GPHN: variants seen among roughly 807,000 people sequenced by gnomAD.
GPHN encodes gephyrin.
In GPHN, 17 loss-of-function variants were observed where a neutral mutation model predicts 95.5. The observed-to-expected ratio is 0.18, with a 90% CI of 0.12 to 0.27. The LOEUF is 0.27. Ranked by LOEUF, GPHN falls within the 10% of genes least tolerant of loss-of-function variation. The pLI, the probability that GPHN is intolerant of heterozygous loss-of-function variation, is 1.00. For missense variants in GPHN, 660 were observed against 978.1 expected (o/e 0.67, Z 4.34); for synonymous variants, 320 against 322.5 (o/e 0.99, Z 0.08).
intron 17 of GPHN, among the ~76,000 whole-genome samples, chr14:67,135,777 CT>C (rs574423722): frequency 6.6e-6 from 1 of 151,890 alleles, no homozygotes; most frequent in Non-Finnish European, 1.5e-5. Flanking sequence ...TAAAATTTTC[CT>C]CTTTTCCCCC....
At chr14:66,703,979 GAAAGAAAA>G (rs2068811667) in intron 2 of GPHN, among the ~76,000 whole-genome samples, 2 of 138,042 alleles carry the variant, frequency 1.4e-5, no homozygotes, top group South Asian at 2.3e-4. Flanking sequence ...AAAAAAGAAA[GAAAGAAAA>G]AAAGAAAAAA....
chr14:66,851,923 G>A (rs1246584381), intron 4 of GPHN, among the ~76,000 whole-genome samples: 1 of 152,180 alleles, frequency 6.6e-6, no homozygotes, highest in East Asian at 1.9e-4. Context: ...GAAGTAGACA[G>A]TGTAGGTGGG....
chr14:67,142,427 C>G (rs894142493), intron 17 of GPHN, among the ~76,000 whole-genome samples: 1 of 152,162 alleles, frequency 6.6e-6, no homozygotes, highest in Admixed American at 6.5e-5. Flanking sequence ...TTCAACTGTT[C>G]TGACACCCAA....
chr14:66,816,732 A>C (rs1441455421), intron 3 of GPHN, among the ~76,000 whole-genome samples: 1 of 152,170 alleles, frequency 6.6e-6, no homozygotes, highest in East Asian at 1.9e-4. Context: ...TAACATCACA[A>C]CTAAAAAGAA....
At chr14:67,242,071 C>G in the GPHN span, 1 of 152,346 alleles carries the variant, frequency 6.6e-6, no homozygotes, top group Admixed American at 6.5e-5. Flanking sequence ...TAGTTTTGTT[C>G]ATGGTTTCTG....
At chr14:66,590,168 TA>T (rs1227714817) in intron 1 of GPHN, among the ~76,000 whole-genome samples, 6 of 152,134 alleles carry the variant, frequency 3.9e-5, no homozygotes, top group African/African-American at 1.2e-4. Flanking sequence ...GGGACACAGC[TA>T]AAGCAGTGTT....
chr14:66,590,876 C>T (rs2061611642), intron 1 of GPHN, among the ~76,000 whole-genome samples: 1 of 152,068 alleles, frequency 6.6e-6, no homozygotes, highest in Admixed American at 6.6e-5. Context: ...GGCCAATATC[C>T]CTGATATGAA....
the GPHN span, chr14:67,642,319 T>C: frequency 1.2e-6 from 2 of 1,614,090 alleles, no homozygotes; most frequent in Non-Finnish European, 1.7e-6. Context: ...TTAGCAGAGC[T>C]GTGTCAGATG....
In GPHN at chr14:66,954,768, A is replaced by G. The variant is rs76705398; in HGVS notation, c.829-10423A>G. Among the ~76,000 whole-genome samples, 1,495 of 152,294 alleles carry G rather than the reference A, an allele frequency of 9.8e-3. 15 individuals are homozygous for G. The highest frequency in any genetic ancestry group is 0.03 in the African/African-American group (1,233 of 41,556). ...CTGTGGGTTTTGTCTAGATGCCTCT[A>G]TCAAATTCAGGAAGTTGCCTTATAT... On this transcript the variant is annotated intron_variant, in intron 8 of 22. Transcript: ENST00000478722.
At chr14:67,020,096 G>A (rs960989960) in intron 9 of GPHN, among the ~76,000 whole-genome samples, 1 of 152,148 alleles carries the variant, frequency 6.6e-6, no homozygotes, top group African/African-American at 2.4e-5. Flanking sequence ...TATGGTCACA[G>A]ATTAAATCTT....
At chr14:67,570,721 ACCT>A in the GPHN span, 1 of 151,390 alleles carries the variant, frequency 6.6e-6, no homozygotes. Context: ...ATCCTTCCCT[ACCT>A]CCTCCTTTTT....
At chr14:67,584,518 C>A in the GPHN span, among the ~76,000 whole-genome samples, 1 of 152,204 alleles carries the variant, frequency 6.6e-6, no homozygotes, top group African/African-American at 2.4e-5. Context: ...GTTAATTTCA[C>A]CTCTGTATGA....
rs568725251 is a variant in GPHN, at chr14:66,618,094, C to T, written c.65-63013C>T. Among the ~76,000 whole-genome samples the T allele has an allele frequency of 5.3e-5, 8 of 152,146 alleles. No individual in the cohort carries two copies. The East Asian group carries it at 1.5e-3, about 29-fold the overall frequency. On this transcript the variant is annotated intron_variant, in intron 1 of 22. Coordinates refer to ENST00000478722, the MANE Select transcript of GPHN (RefSeq NM_020806.5). ...GGTATTTTTATTCTTTTCAATCTTA[C>T]ATTTTTTTCTTGTGTTATTGTAGTG...
At chr14:67,220,406 C>T in the GPHN span, among the ~76,000 whole-genome samples, 91 of 151,784 alleles carry the variant, frequency 6.0e-4, 1 homozygote, top group African/African-American at 2.2e-3. Flanking sequence ...AGAGCCACTG[C>T]ACTCTAGCCT....
intron 10 of GPHN, among the ~76,000 whole-genome samples, chr14:67,024,555 G>T (rs755814033): frequency 2.0e-5 from 3 of 152,130 alleles, no homozygotes; most frequent in Non-Finnish European, 4.4e-5. Context: ...TATACTCCTG[G>T]TTATGCTTTA....
At chr14:67,569,769 G>A in the GPHN span, 3 of 639,958 alleles carry the variant, frequency 4.7e-6, no homozygotes, top group Non-Finnish European at 8.6e-6. Flanking sequence ...AGGGAGTCAA[G>A]GGGAGAAGAT....
the GPHN span, chr14:67,345,982 C>A: frequency 1.4e-6 from 1 of 696,344 alleles, no homozygotes; most frequent in Non-Finnish European, 2.5e-6. Flanking sequence ...GATGAATTCA[C>A]TAATCTTCAT....
intron 4 of GPHN, among the ~76,000 whole-genome samples, chr14:66,851,747 T>A (rs1401806620): frequency 6.6e-6 from 1 of 151,990 alleles, no homozygotes; most frequent in African/African-American, 2.4e-5. Flanking sequence ...TATTAAGAAA[T>A]GAGATTTTTC....
the GPHN span, chr14:67,575,479 CT>C: frequency 6.4e-7 from 1 of 1,556,666 alleles, no homozygotes; most frequent in South Asian, 1.2e-5. Flanking sequence ...CAAGGTACTT[CT>C]CAGCCTCCTC....
Sources: gnomAD v4.1 joint callset for allele counts (sites outside exome capture counted in the v4.1 genomes callset) on GRCh38, gnomAD v4.1.1 for gene constraint, MANE v1.5 for transcripts, NCBI Gene and HGNC (gene_info 2026-07-23, HGNC 2026-07-21) for gene names.